Variants in TPP2 observed in about 807,000 individuals in gnomAD.
TPP2 encodes the protein tripeptidyl-peptidase 2.
Under a neutral mutation model 155.9 loss-of-function variants are expected in TPP2, and 34 were observed. The observed-to-expected ratio is 0.22, with a 90% CI of 0.17 to 0.29. The LOEUF (loss-of-function observed/expected upper bound fraction) is 0.29, where lower values mean the gene tolerates loss of function less well. Among genes scored for constraint, TPP2 ranks in the 10% least tolerant of loss-of-function variants. The pLI is 1.00. For synonymous variants in TPP2, 510 were observed against 529.4 expected (o/e 0.96, Z 0.50); for missense variants, 1,028 against 1,522.3 (o/e 0.68, Z 5.40).
intron 28 of TPP2, 135 bp downstream of exon 28, chr13:102,674,625 A>G: frequency 1.2e-6 from 1 of 832,968 alleles, no homozygotes; most frequent in Non-Finnish European, 1.8e-6. Context: ...TGACATGTTT[A>G]GCCTAGTACT....
At chr13:102,629,877 A>G (rs985444282) in intron 9 of TPP2, among the ~76,000 whole-genome samples, 1 of 152,226 alleles carries the variant, frequency 6.6e-6, no homozygotes, top group African/African-American at 2.4e-5. Flanking sequence ...GGGATAAATA[A>G]TCCTGGGAGA....
chr13:102,679,635 T>C lies in TPP2; in HGVS notation c.*1319T>C, dbSNP rs655123. 75,095 of 151,774 alleles carry C rather than the reference T, an allele frequency of 0.49. 18,934 individuals are homozygous for C. Among genetic ancestry groups the C allele is most frequent in the African/African-American group, 0.6 (24,766 of 41,354 alleles). 9.4% of individuals were successfully genotyped at this position (151,774 alleles called of 1,614,324 possible). ...AGCATATTGGTCACACCTTCTGGGCTAGCTAGGGTCCAAAGTCTATCCATG... is the reference window on the plus strand; with the variant it reads ...AGCATATTGGTCACACCTTCTGGGCCAGCTAGGGTCCAAAGTCTATCCATG... On this transcript the variant is annotated 3_prime_UTR_variant, in exon 30 of 30. Coordinates refer to ENST00000376052, the MANE Select transcript of TPP2 (RefSeq NM_001330588.2).
intron 3 of TPP2, among the ~76,000 whole-genome samples, chr13:102,615,799 G>C (rs1241101287): frequency 6.6e-6 from 1 of 152,162 alleles, no homozygotes; most frequent in Non-Finnish European, 1.5e-5. Context: ...AATTCAGTCA[G>C]TATTCTTGGA....
At chr13:102,669,861 A>G (rs898454987) in intron 27 of TPP2, among the ~76,000 whole-genome samples, 2 of 152,142 alleles carry the variant, frequency 1.3e-5, no homozygotes, top group African/African-American at 4.8e-5. Flanking sequence ...TAAAAATAGG[A>G]TGTGTACATT....
intron 27 of TPP2, among the ~76,000 whole-genome samples, 180 bp downstream of exon 27, chr13:102,665,105 TTTTAAG>T (rs1884505057): frequency 6.6e-6 from 1 of 152,202 alleles, no homozygotes; most frequent in South Asian, 2.1e-4. Context: ...TGTCCAATCT[TTTTAAG>T]AGTAAGCCCA....
chr13:102,621,406 G>A (rs957268834), intron 5 of TPP2, among the ~76,000 whole-genome samples: 3 of 152,092 alleles, frequency 2.0e-5, no homozygotes, highest in African/African-American at 4.8e-5. Flanking sequence ...AGGAAGAATC[G>A]AGAAAGATTT....
rs143082215 is a variant in TPP2 at position 102,654,381 on chromosome 13, A to C, written c.2992-2675A>C. 1.8e-3 allele frequency among the ~76,000 whole-genome samples: 275 copies of C among 152,348 alleles called. 5 individuals are homozygous for C. In the East Asian group the frequency reaches 0.047, roughly 26 times the overall value. ...TTTTGTTTCACTAAGATAATTCATC[A>C]TAAACTTTCTTTGTCTCTTTTTTTG... is the stretch of plus-strand genomic sequence containing the variant. On this transcript the variant is annotated intron_variant, in intron 24 of 29. Transcript: ENST00000376052.
chr13:102,642,728 G>T (rs1347967722), intron 16 of TPP2, among the ~76,000 whole-genome samples: 1 of 152,124 alleles, frequency 6.6e-6, no homozygotes, highest in African/African-American at 2.4e-5. Flanking sequence ...AGCATAAGTA[G>T]TCGTGCCAGG....
chr13:102,677,618 C>T (rs1595233120), intron 29 of TPP2, among the ~76,000 whole-genome samples: 1 of 152,218 alleles, frequency 6.6e-6, no homozygotes, highest in Non-Finnish European at 1.5e-5. Flanking sequence ...GCACTAACTA[C>T]TCTGGCTGGA....
At chr13:102,614,029 T>C in intron 2 of TPP2, 72 bp from the exon 3 acceptor site, 2 of 1,307,598 alleles carry the variant, frequency 1.5e-6, no homozygotes, top group Non-Finnish European at 2.2e-6. Context: ...ATATACTTTT[T>C]TGCTCAGTAG....
intron 24 of TPP2, among the ~76,000 whole-genome samples, chr13:102,653,763 A>T (rs1380583625): frequency 2.6e-5 from 4 of 152,336 alleles, no homozygotes; most frequent in African/African-American, 9.6e-5. Context: ...AAAATAGTTT[A>T]TGTGAAGCTT....
At chr13:102,600,127 T>C (rs1394741829) in intron 1 of TPP2, among the ~76,000 whole-genome samples, 1 of 152,180 alleles carries the variant, frequency 6.6e-6, no homozygotes, top group Non-Finnish European at 1.5e-5. Context: ...GGCCTCCTTA[T>C]GTAGCCTCAG....
intron 16 of TPP2, 110 bp from the exon 17 acceptor site, chr13:102,643,112 T>G: frequency 9.8e-7 from 1 of 1,024,190 alleles, no homozygotes; most frequent in South Asian, 2.3e-5. Context: ...TTTTGATCCC[T>G]ATTATGTCCC....
chr13:102,601,306 T>C (rs997894450), intron 1 of TPP2, among the ~76,000 whole-genome samples: 1 of 152,246 alleles, frequency 6.6e-6, no homozygotes, highest in Non-Finnish European at 1.5e-5. Flanking sequence ...TTCCTGAAAT[T>C]TTAAGTCAAC....
intron 2 of TPP2, among the ~76,000 whole-genome samples, chr13:102,610,519 C>CT (rs1880213393): frequency 6.6e-6 from 1 of 152,258 alleles, no homozygotes; most frequent in South Asian, 2.1e-4. Flanking sequence ...TGTCAGCCAC[C>CT]GCGCCCAGCT....
intron 2 of TPP2, among the ~76,000 whole-genome samples, chr13:102,605,127 C>CA (rs71125078): frequency 4.0e-5 from 6 of 151,804 alleles, no homozygotes; most frequent in African/African-American, 1.5e-4. Flanking sequence ...TAACGGGGTT[C>CA]CAGTCGCCCT....
At chr13:102,667,194 T>G (rs1253766958) in intron 27 of TPP2, among the ~76,000 whole-genome samples, 1 of 96,710 alleles carries the variant, frequency 1.0e-5, no homozygotes, top group African/African-American at 4.1e-5. Context: ...AATTGTAAAA[T>G]GCCATTTTCT....
At chr13:102,650,491 G>A (rs969731504) in intron 23 of TPP2, among the ~76,000 whole-genome samples, 1 of 152,092 alleles carries the variant, frequency 6.6e-6, no homozygotes, top group Non-Finnish European at 1.5e-5. Flanking sequence ...TTATACATAC[G>A]TACTTTAGTA....
chr13:102,666,766 C>CTTTTTTTTTTTT, intron 27 of TPP2, among the ~76,000 whole-genome samples: 40 of 55,740 alleles, frequency 7.2e-4, no homozygotes, highest in Middle Eastern at 0.025. Flanking sequence ...TTTTTAATCT[C>CTTTTTTTTTTTT]TTTTTTTTTT....
Sources: gnomAD v4.1 joint callset for allele counts (sites outside exome capture counted in the v4.1 genomes callset) on GRCh38, gnomAD v4.1.1 for gene constraint, MANE v1.5 for transcripts, NCBI Gene and HGNC (gene_info 2026-07-23, HGNC 2026-07-21) for gene names.